Variants in SYNE1 observed in about 807,000 individuals in gnomAD.
The protein encoded by SYNE1 is nesprin-1.
Under a neutral mutation model 1,111.0 loss-of-function variants are expected in SYNE1, and 616 were observed. The observed-to-expected ratio is 0.55, with a 90% CI of 0.52 to 0.59. The LOEUF is 0.59. SYNE1 is among the 20% of genes least tolerant of loss of function. SYNE1 has a pLI of 0.00. For synonymous variants in SYNE1, 3,855 were observed against 3,825.8 expected (o/e 1.01, Z -0.28); for missense variants, 10,006 against 10,417.0 (o/e 0.96, Z 1.72).
In SYNE1 at chr6:152,256,777, C is replaced by T; in HGVS notation, c.18973-12G>A. The T allele has an allele frequency of 6.2e-7, 1 of 1,612,946 alleles. No homozygotes were observed. The highest frequency in any genetic ancestry group is 8.5e-7 in the Non-Finnish European group (1 of 1,179,266). ...GGCCTGCTATAAAGCTGTAGGCAAA[C>T]AAAGGCAGCTTGTTGAAGAGCATAT... is the stretch of plus-strand genomic sequence containing the variant. On this transcript the variant is annotated splice_polypyrimidine_tract_variant and intron_variant, in intron 101 of 145. Coordinates refer to ENST00000367255, the MANE Select transcript of SYNE1 (RefSeq NM_182961.4).
chr6:152,515,192 A>G (rs1190479514), intron 6 of SYNE1, among the ~76,000 whole-genome samples: 2 of 151,912 alleles, frequency 1.3e-5, no homozygotes, highest in African/African-American at 4.8e-5. Flanking sequence ...TCTGCACTCC[A>G]GCCTGGGTGA....
In SYNE1 at chr6:152,331,692, GA is replaced by G; in HGVS notation, c.12992del (p.Leu4331ProfsTer16). On this transcript the variant is annotated frameshift_variant, in exon 78 of 146. Transcript: ENST00000367255. LOFTEE classifies it high-confidence loss of function. ...LEQRWFQLED[L>X]IKRKIQVSVT... ...CTGACACTTGGATTTTCCTTTTAAT[GA>G]GGTCCTCAAGCTGAAACCAACGTTG... 1 of 1,614,124 alleles carries G rather than the reference GA, an allele frequency of 6.2e-7. No homozygotes were observed.
At chr6:152,125,368 TCA>T in intron 145 of SYNE1, 2 of 1,548,708 alleles carry the variant, frequency 1.3e-6, no homozygotes, top group Non-Finnish European at 1.7e-6. Context: ...TCATAAGGCC[TCA>T]CAGTATCCTG....
At chr6:152,324,790 G>T (rs1406967473) in intron 81 of SYNE1, among the ~76,000 whole-genome samples, 1 of 152,182 alleles carries the variant, frequency 6.6e-6, no homozygotes, top group Non-Finnish European at 1.5e-5. Context: ...GACAGAGGGA[G>T]ACTCCGTCAA....
At chr6:152,518,859 TAGAGAG>T (rs72326979) in intron 6 of SYNE1, among the ~76,000 whole-genome samples, 78 of 149,952 alleles carry the variant, frequency 5.2e-4, no homozygotes, top group African/African-American at 1.8e-3. Context: ...CATACAGAGA[TAGAGAG>T]AGAGAGAGGA....
At position 152,232,233 on chromosome 6, in the gene SYNE1, G is replaced by A; in HGVS notation, c.20745C>T (p.Ala6915=). The A allele has an allele frequency of 1.9e-6, 3 of 1,613,952 alleles. No homozygotes were observed. The South Asian group carries it at 3.3e-5, about 18-fold the overall frequency. ...AAATCCAACTCATGACTTCAGAAAT[G>A]GCATGGCGGGAAGGCAGTTTATCCA... The part of the protein sequence containing the change: ...LQMDKLPSRH[A]ISEVMSWISL... Residue 6915 remains alanine (A), a synonymous_variant, in exon 113 of 146, where the codon GCC becomes GCT. Transcript: ENST00000367255.
At chr6:152,251,346 A>C (rs2153600538) in intron 104 of SYNE1, among the ~76,000 whole-genome samples, 1 of 152,310 alleles carries the variant, frequency 6.6e-6, no homozygotes, top group African/African-American at 2.4e-5. Context: ...AGTCAGACTG[A>C]TTATTGGGAG....
intron 141 of SYNE1, among the ~76,000 whole-genome samples, chr6:152,135,598 T>A (rs924377139): frequency 9.9e-5 from 15 of 152,208 alleles, no homozygotes. Flanking sequence ...GAATCTCATA[T>A]CCCCTTCATT....
At chr6:152,122,787 G>A in intron 145 of SYNE1, 111 bp from the exon 146 acceptor site, 1 of 1,548,512 alleles carries the variant, frequency 6.5e-7, no homozygotes, top group Admixed American at 1.7e-5. Flanking sequence ...GCACACCCCA[G>A]CCTGGCGATC....
Position 152,447,571 on chromosome 6 carries a change from A to G in SYNE1, c.3556T>C (p.Ser1186Pro). The G allele has an allele frequency of 6.2e-7, 1 of 1,614,174 alleles. No individual in the cohort carries two copies. The highest frequency in any genetic ancestry group is 8.5e-7 in the Non-Finnish European group (1 of 1,180,028). ...KRGETLSWLK[S>P]RLKVLTEVSS... ...ACTTCTGTCAAAACTTTCAGCCTGG[A>G]TTTCAGCCAGCTGAGGGTCTCACCC... Residue 1186 changes from serine to proline, a missense_variant, in exon 29 of 146, where the codon TCC becomes CCC. By Grantham distance (74) the Ser-to-Pro change is moderately conservative. Around this residue, in one of 7 missense-constraint regions of SYNE1, gnomAD observed 1,971 missense variants for 2,084.1 expected, o/e 0.95. Transcript: ENST00000367255.
intron 117 of SYNE1, among the ~76,000 whole-genome samples, chr6:152,222,327 C>G (rs529171933): frequency 6.3e-4 from 96 of 152,296 alleles, no homozygotes; most frequent in African/African-American, 2.2e-3. Context: ...TCTAACAAAG[C>G]CATGGCAATG....
intron 76 of SYNE1, among the ~76,000 whole-genome samples, chr6:152,334,495 G>C (rs943853139): frequency 6.6e-6 from 1 of 151,934 alleles, no homozygotes; most frequent in Non-Finnish European, 1.5e-5. Context: ...GGGTAGCTGT[G>C]GTATATTCTT....
chr6:152,634,331 A>C (rs1275308944), intron 2 of SYNE1, among the ~76,000 whole-genome samples: 2 of 152,252 alleles, frequency 1.3e-5, no homozygotes, highest in Non-Finnish European at 2.9e-5. Context: ...AAATGTCTAA[A>C]CATGTATAAG....
At chr6:152,528,199 C>G (rs2099173503) in intron 4 of SYNE1, among the ~76,000 whole-genome samples, 1 of 152,124 alleles carries the variant, frequency 6.6e-6, no homozygotes, top group African/African-American at 2.4e-5. Context: ...AAATTTTTTT[C>G]TGCTTATACA....
Position 152,302,057 on chromosome 6 carries a change from C to T in SYNE1, c.17353G>A (p.Ala5785Thr). 5 of 1,614,262 alleles carry T rather than the reference C, an allele frequency of 3.1e-6. No homozygotes were observed. The highest frequency in any genetic ancestry group is 4.2e-6 in the Non-Finnish European group (5 of 1,180,052). ...TCCTGGTAGCCCTTAATTTTCTGCG[C>T]CAGCTCCTGAGGAAACATTTCCCCC... ...QAQISRHEEL[A>T]QKIKGYQEQI... is the part of the protein sequence containing the mutation. Residue 5785 changes from alanine to threonine, a missense_variant, in exon 92 of 146, where the codon GCG becomes ACG. By Grantham distance (58) the Ala-to-Thr change is moderately conservative. This residue lies in a region of SYNE1 where 4,955 missense variants were observed against 5,017.2 expected (regional missense o/e 0.99). Coordinates refer to ENST00000367255, the MANE Select transcript of SYNE1 (RefSeq NM_182961.4).
At chr6:152,411,727 A>G (rs59472066) in intron 42 of SYNE1, among the ~76,000 whole-genome samples, 3 of 149,444 alleles carry the variant, frequency 2.0e-5, no homozygotes, top group South Asian at 2.1e-4. Context: ...ACACACACAC[A>G]CCCCCACACA....
At chr6:152,553,773 C>G (rs1232067778) in intron 3 of SYNE1, among the ~76,000 whole-genome samples, 2 of 152,148 alleles carry the variant, frequency 1.3e-5, no homozygotes, top group East Asian at 3.9e-4. Context: ...GTCAGGATAA[C>G]AGGGAAACAA....
intron 66 of SYNE1, 53 bp from the exon 67 acceptor site, chr6:152,355,029 G>A (rs1478692734): frequency 1.3e-6 from 2 of 1,599,140 alleles, no homozygotes; most frequent in Non-Finnish European, 1.7e-6. Context: ...ACACTTGCAT[G>A]GGTTAGCATG....
At chr6:152,500,812 G>T (rs186439578) in intron 10 of SYNE1, among the ~76,000 whole-genome samples, 2 of 152,010 alleles carry the variant, frequency 1.3e-5, no homozygotes, top group African/African-American at 2.4e-5. Flanking sequence ...TTAGCCGGGC[G>T]TGGTGGCGGG....
Sources: allele counts gnomAD v4.1 joint callset (sites outside exome capture counted in the v4.1 genomes callset), GRCh38; gene constraint gnomAD v4.1.1; regional missense constraint gnomAD v4.1.1; transcripts MANE v1.5; gene names NCBI Gene and HGNC (gene_info 2026-07-23, HGNC 2026-07-21).